MMP16: variants seen among roughly 807,000 people sequenced by gnomAD.
MMP16 encodes matrix metallopeptidase 16.
In MMP16, 12 loss-of-function variants were observed where a neutral mutation model predicts 67.8. The observed-to-expected ratio is 0.18, with a 90% CI of 0.11 to 0.29. The LOEUF is 0.29. Ranked by LOEUF, MMP16 falls within the 10% of genes least tolerant of loss-of-function variation. The pLI is 1.00. For missense variants in MMP16, 475 were observed against 765.7 expected, an observed-to-expected ratio of 0.62 and a Z score of 4.48; for synonymous variants, 249 against 255.9, an observed-to-expected ratio of 0.97 and a Z score of 0.26.
intron 1 of MMP16, among the ~76,000 whole-genome samples, chr8:88,289,137 G>GAC (rs926871201): frequency 1.3e-5 from 2 of 152,032 alleles, no homozygotes; most frequent in African/African-American, 4.8e-5. Context: ...CAGAGACAGA[G>GAC]AGAGAGAGAG....
chr8:88,157,671 T>C (rs1218280252), intron 4 of MMP16, among the ~76,000 whole-genome samples: 1 of 151,670 alleles, frequency 6.6e-6, no homozygotes, highest in Non-Finnish European at 1.5e-5. Flanking sequence ...TGCTTCATTT[T>C]ATTTTATCTT....
chr8:88,062,388 C>A lies in MMP16; in HGVS notation c.1223-6110G>T, dbSNP rs374086819. On this transcript the variant is annotated intron_variant, in intron 7 of 9. Transcript: ENST00000286614. ...TTTATTGTGGCACTATTCACAATAG[C>A]AAAGACTTGGAACCAACCCAAATGT... Among the ~76,000 whole-genome samples the A allele has an allele frequency of 6.6e-5, 10 of 152,158 alleles. No homozygotes were observed. The East Asian group carries it at 1.9e-3, about 29-fold the overall frequency.
chr8:88,271,367 A>C (rs1294115588), intron 1 of MMP16, among the ~76,000 whole-genome samples: 2 of 152,252 alleles, frequency 1.3e-5, no homozygotes, highest in Non-Finnish European at 2.9e-5. Flanking sequence ...TTTGACTCTA[A>C]GATTTTAAAA....
chr8:88,043,620 T>A (rs2118191480), intron 9 of MMP16, among the ~76,000 whole-genome samples: 1 of 152,288 alleles, frequency 6.6e-6, no homozygotes, highest in South Asian at 2.1e-4. Flanking sequence ...CTCAAGAAAT[T>A]TCAGATAGGG....
rs905380997 is a variant in MMP16 at position 88,058,105 on chromosome 8, T to C, written c.1223-1827A>G. On this transcript the variant is annotated intron_variant, in intron 7 of 9. Coordinates refer to ENST00000286614, the MANE Select transcript of MMP16 (RefSeq NM_005941.5). This position sits in a 1 kb window ranked among gnomAD's most constrained non-coding sequence, Gnocchi z 4.2. Reference sequence around the variant, plus strand: ...TATGCAAAGAATATTGGGAAGTGCATTCAGAGCAGAGGACAGTCTGGGATG... The same window carrying C: ...TATGCAAAGAATATTGGGAAGTGCACTCAGAGCAGAGGACAGTCTGGGATG... Among the ~76,000 whole-genome samples, 5 of 152,114 alleles carry C rather than the reference T, an allele frequency of 3.3e-5. No homozygotes were observed. Among genetic ancestry groups the C allele is most frequent in the Non-Finnish European group, 7.4e-5 (5 of 68,006 alleles).
chr8:88,316,984 T>C (rs1353913362), intron 1 of MMP16, among the ~76,000 whole-genome samples: 1 of 152,172 alleles, frequency 6.6e-6, no homozygotes, highest in Non-Finnish European at 1.5e-5. Flanking sequence ...TCTGACTGAA[T>C]TGCTGCAATC....
chr8:88,128,647 T>C (rs1807975401), intron 4 of MMP16, among the ~76,000 whole-genome samples: 1 of 151,836 alleles, frequency 6.6e-6, no homozygotes, highest in South Asian at 2.1e-4. Flanking sequence ...GATAGAGTCC[T>C]CATCTTCCTG....
chr8:88,263,932 C>T (rs968312380), intron 1 of MMP16, among the ~76,000 whole-genome samples: 19 of 150,966 alleles, frequency 1.3e-4, no homozygotes, highest in Non-Finnish European at 2.7e-4. Flanking sequence ...ACTTTTTGGC[C>T]GCAACCTCCC....
chr8:88,133,845 CTT>C (rs1347966303), intron 4 of MMP16, among the ~76,000 whole-genome samples: 1 of 151,694 alleles, frequency 6.6e-6, no homozygotes, highest in East Asian at 1.9e-4. Flanking sequence ...ATTATAATCA[CTT>C]TTTGTCATTT....
intron 4 of MMP16, among the ~76,000 whole-genome samples, chr8:88,137,001 G>A (rs1480076810): frequency 6.6e-6 from 1 of 151,570 alleles, no homozygotes; most frequent in Non-Finnish European, 1.5e-5. Flanking sequence ...CCTTTTCCAG[G>A]ACTGTATGGA....
chr8:88,147,347 G>A (rs1332219555), intron 4 of MMP16, among the ~76,000 whole-genome samples: 4 of 151,692 alleles, frequency 2.6e-5, no homozygotes, highest in African/African-American at 9.7e-5. Context: ...CATGTTTTAT[G>A]GTTTACATGC....
intron 7 of MMP16, among the ~76,000 whole-genome samples, chr8:88,071,661 C>T (rs1808557367): frequency 6.6e-6 from 1 of 152,098 alleles, no homozygotes; most frequent in Non-Finnish European, 1.5e-5. Context: ...TTGTACATGG[C>T]TATAAGTACA....
chr8:88,299,222 T>C lies in MMP16; in HGVS notation c.132+27853A>G, dbSNP rs191626088. Among the ~76,000 whole-genome samples, 512 of 152,318 alleles carry C rather than the reference T, an allele frequency of 3.4e-3. 3 individuals carry two copies. Among genetic ancestry groups the C allele is most frequent in the African/African-American group, 0.012 (488 of 41,576 alleles). The stretch of plus-strand genomic sequence containing the variant: ...GCAAACAGATAAGTTCGGTTTTTCA[T>C]GGCTGAACCCTTCTGCTCAGAAAGT... On this transcript the variant is annotated intron_variant, in intron 1 of 9. Transcript: ENST00000286614.
intron 4 of MMP16, among the ~76,000 whole-genome samples, chr8:88,154,322 A>T (rs1435731578): frequency 1.4e-5 from 2 of 142,512 alleles, no homozygotes; most frequent in East Asian, 4.0e-4. Flanking sequence ...TTCCTCAGGG[A>T]TCTAGAACTA....
intron 2 of MMP16, among the ~76,000 whole-genome samples, chr8:88,187,720 G>T (rs561903394): frequency 1.3e-5 from 2 of 152,090 alleles, no homozygotes; most frequent in Admixed American, 1.3e-4. Context: ...ATAACTTCCT[G>T]CATCAGTGAA....
intron 4 of MMP16, among the ~76,000 whole-genome samples, chr8:88,125,417 C>T (rs567859961): frequency 6.6e-6 from 1 of 151,812 alleles, no homozygotes; most frequent in East Asian, 2.0e-4. Flanking sequence ...AAACAAATTG[C>T]CATTTAACAG....
chr8:88,072,259 G>T (rs373114202), intron 7 of MMP16, among the ~76,000 whole-genome samples: 13 of 151,982 alleles, frequency 8.6e-5, no homozygotes, highest in African/African-American at 3.1e-4. Context: ...GTGGTGGAGG[G>T]GGTCATTTCA....
At chr8:88,238,274 A>C (rs1400730449) in intron 1 of MMP16, among the ~76,000 whole-genome samples, 1 of 152,184 alleles carries the variant, frequency 6.6e-6, no homozygotes, top group African/African-American at 2.4e-5. Context: ...GCATGTTGGG[A>C]AGCCGAGGCA....
At chr8:88,065,685 C>T (rs971566103) in intron 7 of MMP16, among the ~76,000 whole-genome samples, 2 of 151,876 alleles carry the variant, frequency 1.3e-5, no homozygotes, top group African/African-American at 2.4e-5. Context: ...GTTTCTTTTA[C>T]GTTACCTATT....
Sources: gnomAD v4.1 joint callset for allele counts (sites outside exome capture counted in the v4.1 genomes callset) on GRCh38, gnomAD v4.1.1 for gene constraint, Gnocchi (gnomAD v3.1) non-coding constraint, MANE v1.5 for transcripts, NCBI Gene and HGNC (gene_info 2026-07-23, HGNC 2026-07-21) for gene names.